GBP7: variants seen among roughly 807,000 people sequenced by gnomAD.
GBP7 encodes the protein guanylate binding protein 7.
GBP7 carries 43 observed loss-of-function variants against 61.3 expected under a neutral mutation model. The observed-to-expected ratio is 0.70, with a 90% confidence interval of 0.55 to 0.91. The LOEUF (loss-of-function observed/expected upper bound fraction) is 0.91, where lower values mean the gene tolerates loss of function less well. Among genes scored for constraint, GBP7 ranks in the 40% least tolerant of loss-of-function variants. The pLI, the probability that GBP7 is intolerant of heterozygous loss-of-function variation, is 0.00. For missense variants in GBP7, 717 were observed against 740.5 expected, an observed-to-expected ratio of 0.97 and a Z score of 0.37; for synonymous variants, 267 against 271.0, an observed-to-expected ratio of 0.99 and a Z score of 0.14.
chr1:89,167,912 C>T (rs946244793), intron 2 of GBP7, among the ~76,000 whole-genome samples: 9 of 152,146 alleles, frequency 5.9e-5, no homozygotes, highest in African/African-American at 2.2e-4. Flanking sequence ...AAATGAGATA[C>T]TCAAATTTAA....
chr1:89,140,114 A>G (rs1423906352), intron 9 of GBP7, among the ~76,000 whole-genome samples: 1 of 152,106 alleles, frequency 6.6e-6, no homozygotes, highest in African/African-American at 2.4e-5. Context: ...ATGCAGCCAT[A>G]AAAAATGAAG....
chr1:89,150,865 G>T (rs926714153), intron 5 of GBP7, among the ~76,000 whole-genome samples: 1 of 152,094 alleles, frequency 6.6e-6, no homozygotes, highest in South Asian at 2.1e-4. Context: ...ATGATGTCCC[G>T]TAGACTGACG....
chr1:89,140,945 G>T (rs916245247), intron 9 of GBP7, among the ~76,000 whole-genome samples: 9 of 152,120 alleles, frequency 5.9e-5, no homozygotes, highest in Admixed American at 4.6e-4. Context: ...ATTAATGCAG[G>T]ACTAGAAAAC....
At chr1:89,154,028 G>A (rs999015307) in intron 3 of GBP7, among the ~76,000 whole-genome samples, 2 of 152,146 alleles carry the variant, frequency 1.3e-5, no homozygotes, top group Non-Finnish European at 2.9e-5. Context: ...AGAAGACAAG[G>A]CTGGAAATAA....
chr1:89,147,673 C>G lies in GBP7; in HGVS notation c.1259G>C (p.Ser420Thr). The change falls in exon 8 of 11, where the codon AGT (serine) becomes ACT (threonine). Residue 420 changes from serine (S) to threonine (T), a missense_variant. Transcript: ENST00000294671. ...LKRLSELLTE[S>T]ISRGTFFVPG... ...AACAAAGAAAGTTCCTCTTGAAATA[C>G]TTTCTGTCAAGAGCTCTGAAAGCCG... is the stretch of plus-strand genomic sequence containing the variant. 6.2e-7 allele frequency: 1 copy of G among 1,614,144 alleles called. No homozygotes were observed. The highest frequency in any genetic ancestry group is 1.6e-4 in the Middle Eastern group (1 of 6,062).
intron 2 of GBP7, among the ~76,000 whole-genome samples, chr1:89,170,344 A>G (rs1647565024): frequency 6.6e-6 from 1 of 152,180 alleles, no homozygotes; most frequent in Admixed American, 6.6e-5. Flanking sequence ...TTCTGCAGAA[A>G]CGACACTCCT....
Position 89,140,250 on chromosome 1 carries a change from T to G in GBP7, c.1468+1296A>C, listed in dbSNP as rs368600744. Among the ~76,000 whole-genome samples, 51 of 121,592 alleles carry G rather than the reference T, an allele frequency of 4.2e-4. 5 individuals carry two copies. The highest frequency in any genetic ancestry group is 1.2e-3 in the Admixed American group (11 of 8,892). 79.8% of individuals were successfully genotyped at this position (121,592 alleles called of 152,430 possible). On this transcript the variant is annotated intron_variant, in intron 9 of 10. Transcript: ENST00000294671. ...GTGGGAATTGAACAATAAGAACACA[T>G]GGACACAGGAACAGGAACATCACAC...
At chr1:89,134,885 G>A (rs773183557) in intron 9 of GBP7, among the ~76,000 whole-genome samples, 11 of 152,128 alleles carry the variant, frequency 7.2e-5, no homozygotes, top group Non-Finnish European at 1.6e-4. Context: ...TCAGAATCTG[G>A]ATGGCAATGA....
intron 6 of GBP7, 74 bp downstream of exon 6, chr1:89,150,256 C>A: frequency 7.2e-7 from 1 of 1,395,434 alleles, no homozygotes. Context: ...GTTGTTCGTG[C>A]TCATAAGCTT....
At chr1:89,133,747 G>T (rs140118336) in intron 9 of GBP7, among the ~76,000 whole-genome samples, 3 of 152,150 alleles carry the variant, frequency 2.0e-5, no homozygotes, top group Non-Finnish European at 4.4e-5. Flanking sequence ...AAATTGGTGC[G>T]AAGTGGCCCA....
At chr1:89,172,269 C>A (rs1298644705) in intron 1 of GBP7, among the ~76,000 whole-genome samples, 1 of 152,090 alleles carries the variant, frequency 6.6e-6, no homozygotes, top group Admixed American at 6.5e-5. Context: ...AGCATCAATA[C>A]AATGATAACT....
intron 10 of GBP7, 60 bp downstream of exon 10, chr1:89,133,198 T>C: frequency 7.3e-7 from 1 of 1,369,014 alleles, no homozygotes; most frequent in Non-Finnish European, 1.0e-6. Flanking sequence ...ATTTTGGCTC[T>C]TCCCTAAATG....
intron 10 of GBP7, 131 bp from the exon 11 acceptor site, chr1:89,132,534 C>T: frequency 1.5e-6 from 1 of 674,430 alleles, no homozygotes; most frequent in Non-Finnish European, 2.5e-6. Flanking sequence ...ATGAGTTGGT[C>T]TGACATTTCC....
Position 89,131,914 on chromosome 1 carries a change from C to A in GBP7, c.*235G>T. 1 of 359,382 alleles carries A rather than the reference C, an allele frequency of 2.8e-6. No homozygotes were observed. The allele number at this position is 359,382 out of a possible 1,614,324, so 22.3% of individuals were successfully genotyped here. ...ATTGAAAATAATTTCTTTATATTAC[C>A]ATTTGTCCTTTTGCTTTACTTAAAT... On this transcript the variant is annotated 3_prime_UTR_variant, in exon 11 of 11. Coordinates refer to ENST00000294671, the MANE Select transcript of GBP7 (RefSeq NM_207398.3).
chr1:89,147,770 C>T lies in GBP7; in HGVS notation c.1162G>A (p.Glu388Lys), dbSNP rs777638420. 1.2e-6 allele frequency: 2 copies of T among 1,613,870 alleles called. No individual in the cohort carries two copies. Among genetic ancestry groups the T allele is most frequent in the East Asian group, 2.2e-5 (1 of 44,892 alleles). ...EFQKKLVDTM[E>K]KKKEDFVLQN... Reference sequence around the variant, plus strand: ...AGCACAAAGTCTTCCTTCTTTTTCTCCATGGTGTCCTGCCAGAAAAGTGTA... The same window carrying T: ...AGCACAAAGTCTTCCTTCTTTTTCTTCATGGTGTCCTGCCAGAAAAGTGTA... Residue 388 changes from glutamate to lysine, a missense_variant, in exon 8 of 11, where the codon GAG becomes AAG. This residue lies in a region of GBP7 where 312 missense variants were observed against 310.1 expected (regional missense o/e 1.01). Transcript: ENST00000294671.
At chr1:89,172,278 C>T (rs896533425) in intron 1 of GBP7, among the ~76,000 whole-genome samples, 4 of 152,078 alleles carry the variant, frequency 2.6e-5, no homozygotes, top group African/African-American at 4.8e-5. Flanking sequence ...ACAATGATAA[C>T]TAATCTACAC....
chr1:89,144,030 G>C (rs1239470029), intron 8 of GBP7, among the ~76,000 whole-genome samples: 1 of 152,036 alleles, frequency 6.6e-6, no homozygotes, highest in Non-Finnish European at 1.5e-5. Flanking sequence ...TTCCCTCCCT[G>C]CCTCCTCCCT....
chr1:89,159,777 G>A (rs533243192), intron 3 of GBP7, among the ~76,000 whole-genome samples: 1 of 152,230 alleles, frequency 6.6e-6, no homozygotes, highest in East Asian at 1.9e-4. Flanking sequence ...CCGTAATCTA[G>A]TTCAACCATG....
At chr1:89,162,636 GT>G (rs1647309192) in intron 3 of GBP7, among the ~76,000 whole-genome samples, 1 of 152,198 alleles carries the variant, frequency 6.6e-6, no homozygotes, top group African/African-American at 2.4e-5. Flanking sequence ...TGCTGAAGTT[GT>G]TTATCAGCTT....
Sources: gnomAD v4.1 joint callset for allele counts (sites outside exome capture counted in the v4.1 genomes callset) on GRCh38, gnomAD v4.1.1 for gene constraint, gnomAD v4.1.1 regional missense constraint, MANE v1.5 for transcripts, NCBI Gene and HGNC (gene_info 2026-07-23, HGNC 2026-07-21) for gene names.